LRRC69: variants seen among roughly 807,000 people sequenced by gnomAD.
The protein encoded by LRRC69 is leucine-rich repeat-containing protein 69.
LRRC69 carries 42 observed loss-of-function variants against 37.8 expected under a neutral mutation model. The observed-to-expected ratio is 1.11, with a 90% CI of 0.87 to 1.44. The LOEUF (loss-of-function observed/expected upper bound fraction) is 1.44. Ranked by LOEUF, LRRC69 falls within the 40% of genes most tolerant of loss-of-function variation. The pLI is 0.00. For missense variants in LRRC69, 357 were observed against 401.9 expected (o/e 0.89, Z 0.96); for synonymous variants, 141 against 143.1 (o/e 0.99, Z 0.11).
At chr8:91,160,773 A>G (rs764568379) in intron 5 of LRRC69, among the ~76,000 whole-genome samples, 2 of 151,214 alleles carry the variant, frequency 1.3e-5, no homozygotes, top group Non-Finnish European at 3.0e-5. Flanking sequence ...GCAGTTCTTT[A>G]TAGCAGTGTG....
chr8:91,176,914 G>A (rs1284618825), intron 5 of LRRC69, among the ~76,000 whole-genome samples: 3 of 146,462 alleles, frequency 2.0e-5, no homozygotes, highest in African/African-American at 8.3e-5. Flanking sequence ...CCATGGCCCA[G>A]TGAAGTTGAC....
At chr8:91,162,040 C>T (rs138703742) in intron 5 of LRRC69, among the ~76,000 whole-genome samples, 1 of 151,424 alleles carries the variant, frequency 6.6e-6, no homozygotes, top group East Asian at 1.9e-4. Context: ...CACATTGTTA[C>T]ACTTTTATGT....
intron 5 of LRRC69, among the ~76,000 whole-genome samples, chr8:91,153,953 A>G (rs1808787289): frequency 6.6e-6 from 1 of 151,920 alleles, no homozygotes; most frequent in Non-Finnish European, 1.5e-5. Context: ...AATTAATAAA[A>G]TAGATAGACT....
At chr8:91,157,216 A>G in intron 5 of LRRC69, 7 of 1,086,482 alleles carry the variant, frequency 6.4e-6, no homozygotes, top group Non-Finnish European at 9.7e-6. Flanking sequence ...TAATATAATC[A>G]CTTTAACATT....
intron 6 of LRRC69, among the ~76,000 whole-genome samples, chr8:91,191,933 G>A (rs1177574658): frequency 6.6e-6 from 1 of 151,652 alleles, no homozygotes; most frequent in African/African-American, 2.4e-5. Flanking sequence ...CCATGCTGGT[G>A]CGCTGCACCC....
intron 5 of LRRC69, among the ~76,000 whole-genome samples, chr8:91,181,233 G>T (rs968695611): frequency 6.6e-6 from 1 of 152,094 alleles, no homozygotes; most frequent in South Asian, 2.1e-4. Context: ...TTGTATAAAA[G>T]ATTTAGAAAT....
At chr8:91,216,366 C>G (rs1810048274) in intron 7 of LRRC69, among the ~76,000 whole-genome samples, 1 of 152,118 alleles carries the variant, frequency 6.6e-6, no homozygotes, top group Non-Finnish European at 1.5e-5. Context: ...ATAGAAAATG[C>G]CTTTAATACT....
chr8:91,177,314 G>A (rs1809249254), intron 5 of LRRC69, among the ~76,000 whole-genome samples: 1 of 152,088 alleles, frequency 6.6e-6, no homozygotes, highest in African/African-American at 2.4e-5. Context: ...TAATTTATTT[G>A]TGAAGATATT....
At position 91,185,381 on chromosome 8, in the gene LRRC69, G is replaced by GTT. The variant is rs886238663; in HGVS notation, c.652-4139_652-4138dup. Among the ~76,000 whole-genome samples, 186 of 152,046 alleles carry GTT rather than the reference G, an allele frequency of 1.2e-3. 1 individual carries two copies. Among genetic ancestry groups the GTT allele is most frequent in the Non-Finnish European group, 2.1e-3 (144 of 67,968 alleles). On this transcript the variant is annotated intron_variant, in intron 5 of 7. Coordinates refer to ENST00000448384, the Ensembl canonical transcript of LRRC69. Reference sequence around the variant, plus strand: ...TCTCTATCTGTGTGTGTGTGTGTGTGTTTATAGCCTGGGAGTTTAGTTATC... The same window carrying GTT: ...TCTCTATCTGTGTGTGTGTGTGTGTGTTTTTATAGCCTGGGAGTTTAGTTATC...
At chr8:91,176,600 T>C (rs1379326893) in intron 5 of LRRC69, among the ~76,000 whole-genome samples, 1 of 152,198 alleles carries the variant, frequency 6.6e-6, no homozygotes, top group Non-Finnish European at 1.5e-5. Context: ...GTATACAAGC[T>C]GAAGGCCCAG....
At chr8:91,156,556 A>G (rs1334262691) in intron 5 of LRRC69, among the ~76,000 whole-genome samples, 2 of 150,944 alleles carry the variant, frequency 1.3e-5, no homozygotes, top group African/African-American at 2.4e-5. Context: ...TTCCTTTAAT[A>G]TGCAGAAACT....
chr8:91,136,366 T>C (rs1808419674), intron 5 of LRRC69, among the ~76,000 whole-genome samples: 1 of 151,974 alleles, frequency 6.6e-6, no homozygotes, highest in African/African-American at 2.4e-5. Context: ...TTTTTCCTGA[T>C]TTATCCCCTC....
intron 1 of LRRC69, among the ~76,000 whole-genome samples, chr8:91,115,971 C>T (rs1813503996): frequency 6.6e-6 from 1 of 151,900 alleles, no homozygotes; most frequent in Non-Finnish European, 1.5e-5. Flanking sequence ...CACCGTGAGC[C>T]AGGTAATGAA....
chr8:91,168,570 T>C (rs1163644163), intron 5 of LRRC69, among the ~76,000 whole-genome samples: 1 of 151,958 alleles, frequency 6.6e-6, no homozygotes, highest in African/African-American at 2.4e-5. Context: ...AGCAGCCATT[T>C]GGGACTGTAA....
intron 5 of LRRC69, among the ~76,000 whole-genome samples, chr8:91,180,626 C>A (rs529871273): frequency 6.6e-6 from 1 of 151,926 alleles, no homozygotes; most frequent in African/African-American, 2.4e-5. Flanking sequence ...AGTACACTAA[C>A]AGCACAAAAT....
chr8:91,210,397 T>C (rs1809886990), intron 7 of LRRC69, among the ~76,000 whole-genome samples: 3 of 152,184 alleles, frequency 2.0e-5, no homozygotes, highest in African/African-American at 7.2e-5. Context: ...ATGATACCAT[T>C]ACTCCCAATA....
At chr8:91,147,385 C>A (rs1256493150) in intron 5 of LRRC69, among the ~76,000 whole-genome samples, 3 of 150,418 alleles carry the variant, frequency 2.0e-5, no homozygotes, top group Admixed American at 6.7e-5. Flanking sequence ...TTAGATGTAT[C>A]TTTTATAAGT....
At chr8:91,185,879 T>C (rs1343555487) in intron 5 of LRRC69, among the ~76,000 whole-genome samples, 3 of 152,154 alleles carry the variant, frequency 2.0e-5, no homozygotes, top group Admixed American at 6.5e-5. Flanking sequence ...CCCTACTTAT[T>C]GGTTCTATTT....
chr8:91,113,988 A>G (rs1202433581), intron 1 of LRRC69, among the ~76,000 whole-genome samples: 1 of 150,564 alleles, frequency 6.6e-6, no homozygotes, highest in Non-Finnish European at 1.5e-5. Context: ...AAAAAAAAAA[A>G]AAAAAAGGTA....
Sources: gnomAD v4.1 joint callset for allele counts (sites outside exome capture counted in the v4.1 genomes callset) on GRCh38, gnomAD v4.1.1 for gene constraint, MANE v1.5 for transcripts, NCBI Gene and HGNC (gene_info 2026-07-23, HGNC 2026-07-21) for gene names.